Variants in ABHD18 observed in about 807,000 individuals in gnomAD.
The protein encoded by ABHD18 is cardiolipin-specific deacylase, mitochondrial.
ABHD18 carries 55 observed loss-of-function variants against 65.9 expected under a neutral mutation model. That is an observed-to-expected ratio of 0.84 (90% CI 0.67 to 1.05). The LOEUF (loss-of-function observed/expected upper bound fraction) is 1.05, where lower values mean the gene tolerates loss of function less well. Ranked by LOEUF, ABHD18 falls within the 50% of genes least tolerant of loss-of-function variation. The pLI is 0.00. For synonymous variants in ABHD18, 181 were observed against 180.2 expected (o/e 1.00, Z -0.04); for missense variants, 533 against 558.5 (o/e 0.95, Z 0.46).
chr4:128,005,437 G>A (rs1420963045), intron 4 of ABHD18, among the ~76,000 whole-genome samples: 1 of 152,074 alleles, frequency 6.6e-6, no homozygotes, highest in Non-Finnish European at 1.5e-5. Context: ...GGAATGAAAA[G>A]CAAATCAACT....
intron 1 of ABHD18, among the ~76,000 whole-genome samples, chr4:127,969,010 C>A (rs1485670140): frequency 6.6e-6 from 1 of 151,970 alleles, no homozygotes; most frequent in Non-Finnish European, 1.5e-5. Context: ...TTTGTATGAC[C>A]CCAAACCCCA....
At chr4:127,984,117 CT>C (rs1323916369) in intron 2 of ABHD18, among the ~76,000 whole-genome samples, 1 of 151,810 alleles carries the variant, frequency 6.6e-6, no homozygotes, top group East Asian at 1.9e-4. Context: ...GTATTAATTA[CT>C]TTCTGAACAA....
chr4:128,028,668 A>T lies in ABHD18; in HGVS notation c.995A>T (p.Gln332Leu). The change falls in exon 11 of 13, where the codon CAA (glutamine) becomes CTA (leucine). Residue 332 changes from glutamine (Q) to leucine (L), a missense_variant. Coordinates refer to ENST00000645843, the MANE Select transcript of ABHD18 (RefSeq NM_001358451.3). ...VSATSEGLLL[Q>L]DTSKMKRFNQ... ...GCGACATCAGAAGGACTCTTATTGCAAGATACCTCTAAGATGAAGCGCTTC... is the reference window on the plus strand; with the variant it reads ...GCGACATCAGAAGGACTCTTATTGCTAGATACCTCTAAGATGAAGCGCTTC... 1 of 1,613,898 alleles carries T rather than the reference A, an allele frequency of 6.2e-7. No individual in the cohort carries two copies. Among genetic ancestry groups the T allele is most frequent in the Non-Finnish European group, 8.5e-7 (1 of 1,179,856 alleles).
At chr4:128,013,303 T>G (rs566646615) in intron 7 of ABHD18, among the ~76,000 whole-genome samples, 46 of 152,292 alleles carry the variant, frequency 3.0e-4, no homozygotes, top group Middle Eastern at 3.4e-3. Context: ...GACTTTAGTT[T>G]AACTAGGTAG....
At chr4:128,029,015 A>G (rs1028675875) in intron 11 of ABHD18, among the ~76,000 whole-genome samples, 162 bp downstream of exon 11, 2 of 152,178 alleles carry the variant, frequency 1.3e-5, no homozygotes, top group Non-Finnish European at 2.9e-5. Context: ...TAAATGTATC[A>G]TATTCTATCT....
chr4:128,028,431 C>T, intron 10 of ABHD18, 44 bp from the exon 11 acceptor site: 1 of 1,361,734 alleles, frequency 7.3e-7, no homozygotes. Flanking sequence ...TGTTAATACC[C>T]TATTTTATAT....
intron 1 of ABHD18, among the ~76,000 whole-genome samples, chr4:127,969,461 A>G (rs1013968483): frequency 6.6e-6 from 1 of 152,042 alleles, no homozygotes. Context: ...AGCCTCCCAA[A>G]GGGCTGCGAT....
chr4:128,003,635 A>T (rs1302950124), intron 4 of ABHD18, among the ~76,000 whole-genome samples: 15 of 151,984 alleles, frequency 9.9e-5, no homozygotes, highest in Non-Finnish European at 1.9e-4. Context: ...TAAAAACATA[A>T]TTTTTTATAT....
At chr4:127,979,587 C>T (rs1748611137) in intron 1 of ABHD18, among the ~76,000 whole-genome samples, 1 of 150,960 alleles carries the variant, frequency 6.6e-6, no homozygotes, top group African/African-American at 2.4e-5. Flanking sequence ...ATGGATGGAA[C>T]AAGGTATTAA....
chr4:127,998,735 T>C (rs1254202159), intron 4 of ABHD18, among the ~76,000 whole-genome samples: 1 of 152,134 alleles, frequency 6.6e-6, no homozygotes, highest in East Asian at 1.9e-4. Flanking sequence ...CATTATTAAA[T>C]GTAGCCCCCA....
intron 1 of ABHD18, among the ~76,000 whole-genome samples, chr4:127,979,109 A>G (rs980360189): frequency 2.0e-5 from 3 of 152,264 alleles, no homozygotes; most frequent in African/African-American, 7.2e-5. Flanking sequence ...AATATTTATC[A>G]TCATAATAAA....
At position 127,984,319 on chromosome 4, in the gene ABHD18, T is replaced by A. The variant is rs1422005802; in HGVS notation, c.93-20T>A. On this transcript the variant is annotated intron_variant, in intron 2 of 12. Coordinates refer to ENST00000645843, the MANE Select transcript of ABHD18 (RefSeq NM_001358451.3). The stretch of plus-strand genomic sequence containing the variant: ...TATAAAAGATTAATTTTTTCCTTTT[T>A]GTCTTCTTTCCCATAATAGACTCTT... 1 of 1,492,162 alleles carries A rather than the reference T, an allele frequency of 6.7e-7. No homozygotes were observed. The allele number at this position is 1,492,162 out of a possible 1,614,324, so 92.4% of individuals were successfully genotyped here.
intron 1 of ABHD18, among the ~76,000 whole-genome samples, 171 bp from the exon 2 acceptor site, chr4:127,982,768 A>G (rs981505506): frequency 1.3e-5 from 2 of 152,146 alleles, no homozygotes; most frequent in African/African-American, 4.8e-5. Flanking sequence ...CATCTTCTCT[A>G]TTTTCAACTC....
chr4:128,012,674 A>G lies in ABHD18; in HGVS notation c.470+974A>G, dbSNP rs111956633. On this transcript the variant is annotated intron_variant, in intron 7 of 12. Coordinates refer to ENST00000645843, the MANE Select transcript of ABHD18 (RefSeq NM_001358451.3). ...GATATAATGAGAAGGAGCCACCTGCATGAAGACTTGGAATAAGATCAGCCA... is the reference window on the plus strand; with the variant it reads ...GATATAATGAGAAGGAGCCACCTGCGTGAAGACTTGGAATAAGATCAGCCA... Among the ~76,000 whole-genome samples the G allele has an allele frequency of 2.0e-3, 312 of 152,284 alleles. 4 individuals are homozygous for G. Among genetic ancestry groups the G allele is most frequent in the African/African-American group, 7.3e-3 (305 of 41,572 alleles).
intron 4 of ABHD18, among the ~76,000 whole-genome samples, chr4:127,991,353 A>T (rs1371237591): frequency 1.3e-5 from 2 of 151,992 alleles, no homozygotes; most frequent in Admixed American, 1.3e-4. Context: ...CAGTCTCCGG[A>T]GTAGTTGGGA....
rs554032505 is a variant in ABHD18 at position 128,038,032 on chromosome 4, C to T, written c.*2219C>T. 2.6e-5 allele frequency: 4 copies of T among 152,230 alleles called. No individual in the cohort carries two copies. The highest frequency in any genetic ancestry group is 2.1e-4 in the South Asian group (1 of 4,828). 9.4% of individuals were successfully genotyped at this position (152,230 alleles called of 1,614,324 possible). A position where few individuals can be genotyped will look rare whatever the true frequency, so the allele number is the denominator to read the frequency against. ...TAAATAGGGATTCTTAGTCTACTAACGATATTTGAATTATAATGTGCCTTT... is the reference window on the plus strand; with the variant it reads ...TAAATAGGGATTCTTAGTCTACTAATGATATTTGAATTATAATGTGCCTTT... On this transcript the variant is annotated 3_prime_UTR_variant, in exon 13 of 13. Coordinates refer to ENST00000645843, the MANE Select transcript of ABHD18 (RefSeq NM_001358451.3).
chr4:128,032,242 A>C (rs1758318960), intron 12 of ABHD18, among the ~76,000 whole-genome samples: 1 of 152,200 alleles, frequency 6.6e-6, no homozygotes, highest in Admixed American at 6.5e-5. Context: ...AGGGAACAAA[A>C]AAGATTAAGT....
In ABHD18 at chr4:128,014,241, C is replaced by G. The variant is rs559892070; in HGVS notation, c.470+2541C>G. Reference sequence around the variant, plus strand: ...CAGGTGATCCTCCCGCCTCAGCCCCCCAAAGTGCTGGGATTACAGGCAGCA... The same window carrying G: ...CAGGTGATCCTCCCGCCTCAGCCCCGCAAAGTGCTGGGATTACAGGCAGCA... On this transcript the variant is annotated intron_variant, in intron 7 of 12. Coordinates refer to ENST00000645843, the MANE Select transcript of ABHD18 (RefSeq NM_001358451.3). Among the ~76,000 whole-genome samples, 50 of 152,248 alleles carry G rather than the reference C, an allele frequency of 3.3e-4. No individual in the cohort carries two copies. In the South Asian group the frequency reaches 9.1e-3, roughly 28 times the overall value.
chr4:128,025,539 C>T (rs145171309), intron 10 of ABHD18, among the ~76,000 whole-genome samples: 1 of 152,198 alleles, frequency 6.6e-6, no homozygotes, highest in Non-Finnish European at 1.5e-5. Flanking sequence ...TTAATCAGTA[C>T]CCTGTTGATA....
Sources: allele counts gnomAD v4.1 joint callset (sites outside exome capture counted in the v4.1 genomes callset), GRCh38; gene constraint gnomAD v4.1.1; transcripts MANE v1.5; gene names NCBI Gene and HGNC (gene_info 2026-07-23, HGNC 2026-07-21).